Variants in FARS2 observed in about 807,000 individuals in gnomAD.
FARS2 encodes the protein phenylalanine--tRNA ligase, mitochondrial.
FARS2 carries 40 observed loss-of-function variants against 46.4 expected under a neutral mutation model. The ratio of observed to expected loss-of-function variants is 0.86; its 90% CI spans 0.67 to 1.12. FARS2 has a LOEUF of 1.12. Among genes scored for constraint, FARS2 ranks in the 50% most tolerant of loss-of-function variants. The pLI, the probability that FARS2 is intolerant of heterozygous loss-of-function variation, is 0.00. For missense variants in FARS2, 513 were observed against 567.9 expected (o/e 0.90, Z 0.98); for synonymous variants, 234 against 214.9 (o/e 1.09, Z -0.78).
intron 1 of FARS2, among the ~76,000 whole-genome samples, chr6:5,323,753 G>C (rs1770147985): frequency 6.6e-6 from 1 of 152,198 alleles, no homozygotes; most frequent in East Asian, 1.9e-4. Context: ...AGTTGACAGA[G>C]CAGGAGTATT....
intron 6 of FARS2, among the ~76,000 whole-genome samples, chr6:5,748,083 T>G: frequency 6.6e-6 from 1 of 151,988 alleles, no homozygotes. Context: ...CCAAGAAAAC[T>G]CCCATTGCTA....
In FARS2 at chr6:5,528,390, C is replaced by T. The variant is rs576829925; in HGVS notation, c.905-16790C>T. On this transcript the variant is annotated intron_variant, in intron 4 of 6. Coordinates refer to ENST00000274680, the MANE Select transcript of FARS2 (RefSeq NM_006567.5). ...CCATACTTGACTGACTTTTCCAAAA[C>T]ATCCATGTTCAGGATGTTTAAAGTG... Among the ~76,000 whole-genome samples, 3 of 152,294 alleles carry T rather than the reference C, an allele frequency of 2.0e-5. No homozygotes were observed. The East Asian group carries it at 5.8e-4, about 29-fold the overall frequency.
chr6:5,254,769 T>C, the FARS2 span, among the ~76,000 whole-genome samples: 1 of 152,198 alleles, frequency 6.6e-6, no homozygotes, highest in Non-Finnish European at 1.5e-5. Context: ...TAAAATGAAA[T>C]ACCGTTCATT....
intron 6 of FARS2, among the ~76,000 whole-genome samples, chr6:5,718,179 G>A (rs988007854): frequency 1.3e-5 from 2 of 152,132 alleles, no homozygotes; most frequent in African/African-American, 4.8e-5. Flanking sequence ...CTCCCAAAGT[G>A]CTGGGATTAC....
At chr6:5,300,039 A>AT (rs1203253434) in intron 1 of FARS2, among the ~76,000 whole-genome samples, 1 of 152,204 alleles carries the variant, frequency 6.6e-6, no homozygotes, top group African/African-American at 2.4e-5. Flanking sequence ...TAGATGTCAA[A>AT]TTTAAAAATG....
upstream of FARS2, chr6:5,260,705 A>G: frequency 6.4e-7 from 1 of 1,553,802 alleles, no homozygotes; most frequent in South Asian, 1.2e-5. Flanking sequence ...GTACAGAGAT[A>G]ACACTTGTGC....
chr6:5,359,344 A>G (rs1758157377), intron 1 of FARS2, among the ~76,000 whole-genome samples: 1 of 152,148 alleles, frequency 6.6e-6, no homozygotes, highest in African/African-American at 2.4e-5. Flanking sequence ...CCCGGCCAAG[A>G]TATCTCTTCT....
chr6:5,653,887 G>C (rs1438756964), intron 6 of FARS2, among the ~76,000 whole-genome samples: 3 of 152,106 alleles, frequency 2.0e-5, no homozygotes, highest in African/African-American at 7.2e-5. Context: ...AGTGGAGAAG[G>C]GCAGGCTGCC....
intron 4 of FARS2, among the ~76,000 whole-genome samples, chr6:5,454,527 G>A (rs1470268860): frequency 6.6e-6 from 1 of 151,930 alleles, no homozygotes; most frequent in East Asian, 1.9e-4. Flanking sequence ...TGTATTTTTA[G>A]TAGATATGGG....
rs543077112 is a variant in FARS2, at chr6:5,686,049, C to A, written c.1217+72729C>A. On this transcript the variant is annotated intron_variant, in intron 6 of 6. Transcript: ENST00000274680. ...GCTGAATTTACAGCTCCCAGAAGCA[C>A]GCCCAAGAAAGACTGGTGGATGATG... 2.6e-5 allele frequency among the ~76,000 whole-genome samples: 4 copies of A among 152,172 alleles called. No homozygotes were observed. In the South Asian group the frequency reaches 6.2e-4, roughly 24 times the overall value.
intron 1 of FARS2, among the ~76,000 whole-genome samples, chr6:5,317,680 G>A (rs998127038): frequency 2.0e-5 from 3 of 151,898 alleles, no homozygotes; most frequent in East Asian, 1.9e-4. Flanking sequence ...CTCGGAGGGC[G>A]GAGGCGGGAG....
chr6:5,518,874 T>A (rs1261822976), intron 4 of FARS2, among the ~76,000 whole-genome samples: 1 of 152,220 alleles, frequency 6.6e-6, no homozygotes, highest in Non-Finnish European at 1.5e-5. Context: ...TAAGAATTTC[T>A]GAGGCAAACA....
At chr6:5,280,256 T>C (rs1034028381) in intron 1 of FARS2, among the ~76,000 whole-genome samples, 1 of 152,226 alleles carries the variant, frequency 6.6e-6, no homozygotes, top group Admixed American at 6.5e-5. Context: ...ATATGAATAG[T>C]GGCATGGAAG....
At chr6:5,470,920 C>T (rs188868393) in intron 4 of FARS2, among the ~76,000 whole-genome samples, 74 of 152,256 alleles carry the variant, frequency 4.9e-4, no homozygotes, top group African/African-American at 1.7e-3. Context: ...ACCTTTCTCC[C>T]TTTGCTGTAT....
At chr6:5,385,765 G>A (rs1760090273) in intron 2 of FARS2, among the ~76,000 whole-genome samples, 1 of 152,140 alleles carries the variant, frequency 6.6e-6, no homozygotes. Context: ...CTTATGTTTA[G>A]CAGTGATTCT....
chr6:5,299,871 G>A (rs1022209504), intron 1 of FARS2, among the ~76,000 whole-genome samples: 1 of 151,904 alleles, frequency 6.6e-6, no homozygotes, highest in African/African-American at 2.4e-5. Context: ...TAGTTTTCCA[G>A]TTTACAGATT....
intron 2 of FARS2, among the ~76,000 whole-genome samples, chr6:5,371,842 C>G (rs1759084200): frequency 6.6e-6 from 1 of 151,790 alleles, no homozygotes; most frequent in Non-Finnish European, 1.5e-5. Context: ...GATATAAGTC[C>G]AAATACATCA....
intron 4 of FARS2, among the ~76,000 whole-genome samples, chr6:5,454,399 T>A (rs992641861): frequency 6.6e-6 from 1 of 152,166 alleles, no homozygotes; most frequent in Non-Finnish European, 1.5e-5. Flanking sequence ...TGGAGTGCAG[T>A]GGCGTGATCT....
At chr6:5,626,910 G>A (rs919566638) in intron 6 of FARS2, among the ~76,000 whole-genome samples, 1 of 152,206 alleles carries the variant, frequency 6.6e-6, no homozygotes, top group South Asian at 2.1e-4. Flanking sequence ...GTACAGTGTA[G>A]CCTATTGCTT....
Sources: allele counts gnomAD v4.1 joint callset (sites outside exome capture counted in the v4.1 genomes callset), GRCh38; gene constraint gnomAD v4.1.1; transcripts MANE v1.5; gene names NCBI Gene and HGNC (gene_info 2026-07-23, HGNC 2026-07-21).